VEPH1: variants seen among roughly 807,000 people sequenced by gnomAD.
VEPH1 encodes the protein ventricular zone expressed PH domain containing 1.
In VEPH1, 80 loss-of-function variants were observed where a neutral mutation model predicts 85.2. The ratio of observed to expected loss-of-function variants is 0.94; its 90% CI spans 0.78 to 1.13. VEPH1 has a LOEUF of 1.13. VEPH1 is among the 50% of genes most tolerant of loss of function. VEPH1 has a pLI of 0.00. For missense variants in VEPH1, 955 were observed against 980.5 expected (o/e 0.97, Z 0.35); for synonymous variants, 297 against 348.0 (o/e 0.85, Z 1.63).
chr3:157,483,123 TACACACACAC>T (rs60205276), intron 2 of VEPH1, among the ~76,000 whole-genome samples: 2 of 147,044 alleles, frequency 1.4e-5, no homozygotes, highest in Admixed American at 6.8e-5. Context: ...TTTAAAAGCA[TACACACACAC>T]ACACACACAC....
intron 11 of VEPH1, among the ~76,000 whole-genome samples, chr3:157,308,737 A>G (rs141642579): frequency 6.6e-6 from 1 of 152,202 alleles, no homozygotes; most frequent in African/African-American, 2.4e-5. Context: ...CATATTTGCT[A>G]TTTCCAATCA....
chr3:157,392,307 G>T (rs1342949709), intron 6 of VEPH1, among the ~76,000 whole-genome samples: 1 of 152,160 alleles, frequency 6.6e-6, no homozygotes, highest in African/African-American at 2.4e-5. Flanking sequence ...TACATGGATG[G>T]CAGCAGGCAA....
At chr3:157,439,813 C>T (rs756335179) in intron 4 of VEPH1, among the ~76,000 whole-genome samples, 19 of 152,152 alleles carry the variant, frequency 1.2e-4, no homozygotes, top group Non-Finnish European at 2.8e-4. Flanking sequence ...TGCAGTGGCG[C>T]GATCTCGGCT....
intron 4 of VEPH1, chr3:157,443,112 T>C (rs1383746061): frequency 9.4e-7 from 1 of 1,064,340 alleles, no homozygotes; most frequent in East Asian, 2.6e-5. Flanking sequence ...AGACCAATCT[T>C]TATTTGTACT....
intron 6 of VEPH1, among the ~76,000 whole-genome samples, chr3:157,404,537 C>G (rs1731013025): frequency 6.6e-6 from 1 of 151,964 alleles, no homozygotes; most frequent in Non-Finnish European, 1.5e-5. Context: ...TTCAGGAAAC[C>G]AATAGGGGAA....
chr3:157,417,301 T>C (rs1013871982), intron 5 of VEPH1, among the ~76,000 whole-genome samples: 11 of 152,176 alleles, frequency 7.2e-5, no homozygotes, highest in Admixed American at 2.0e-4. Flanking sequence ...GGGAATGCTG[T>C]GCTTTGCTGA....
chr3:157,434,384 T>C (rs1212869780), intron 4 of VEPH1, among the ~76,000 whole-genome samples: 4 of 152,162 alleles, frequency 2.6e-5, no homozygotes, highest in African/African-American at 9.7e-5. Flanking sequence ...TGATCACAGC[T>C]CACTGCAGCC....
intron 9 of VEPH1, among the ~76,000 whole-genome samples, chr3:157,325,913 T>C (rs1373174574): frequency 6.6e-6 from 1 of 152,214 alleles, no homozygotes; most frequent in Non-Finnish European, 1.5e-5. Context: ...ATCTATAAAT[T>C]ATTTTGGACA....
At position 157,349,111 on chromosome 3, in the gene VEPH1, T is replaced by C. The variant is rs78494877; in HGVS notation, c.1735+14253A>G. 3.6e-3 allele frequency among the ~76,000 whole-genome samples: 548 copies of C among 152,328 alleles called. 3 individuals carry two copies. Among genetic ancestry groups the C allele is most frequent in the African/African-American group, 0.012 (513 of 41,570 alleles). On this transcript the variant is annotated intron_variant, in intron 9 of 13. Transcript: ENST00000362010. ...TAGCACTACAGGCCAATATCCCTGA[T>C]GAAGATAGATGGAAAAATCTTCAAT...
At position 157,460,180 on chromosome 3, in the gene VEPH1, C is replaced by T; in HGVS notation, c.529+1G>A. On this transcript the variant is annotated splice_donor_variant, in intron 4 of 13. Coordinates refer to ENST00000362010, the MANE Select transcript of VEPH1 (RefSeq NM_001167912.2). LOFTEE classifies it high-confidence loss of function. ...CCCCAAGCTCAACTTTCGCACCATA[C>T]CTTGGAGTATGCTCTTTACTATAAC... 6.2e-7 allele frequency: 1 copy of T among 1,614,180 alleles called. No individual in the cohort carries two copies. The highest frequency in any genetic ancestry group is 8.5e-7 in the Non-Finnish European group (1 of 1,180,028).
Position 157,267,511 on chromosome 3 carries a change from G to T in VEPH1, c.2129-1849C>A, listed in dbSNP as rs775113335. Among the ~76,000 whole-genome samples the T allele has an allele frequency of 2.0e-5, 3 of 151,836 alleles. No individual in the cohort carries two copies. In the East Asian group the frequency reaches 5.9e-4, roughly 30 times the overall value. On this transcript the variant is annotated intron_variant, in intron 12 of 13. Transcript: ENST00000362010. Reference sequence around the variant, plus strand: ...AATTAAGGCTAAAAACTGGCCAGGCGCAGCAGCTCATGCCTGTAATCCCAG... The same window carrying T: ...AATTAAGGCTAAAAACTGGCCAGGCTCAGCAGCTCATGCCTGTAATCCCAG...
At chr3:157,380,994 T>G (rs1728694846) in intron 7 of VEPH1, 162 bp downstream of exon 7, 2 of 692,150 alleles carry the variant, frequency 2.9e-6, no homozygotes, top group Admixed American at 2.9e-5. Context: ...TTTCACACAT[T>G]TAGAAGAAAG....
chr3:157,304,392 A>G (rs1359120347), intron 11 of VEPH1, among the ~76,000 whole-genome samples: 3 of 152,154 alleles, frequency 2.0e-5, no homozygotes, highest in Non-Finnish European at 4.4e-5. Flanking sequence ...TTTCTGCAGC[A>G]TACAACATTT....
At chr3:157,342,083 A>G in intron 9 of VEPH1, among the ~76,000 whole-genome samples, 1 of 152,258 alleles carries the variant, frequency 6.6e-6, no homozygotes, top group Non-Finnish European at 1.5e-5. Context: ...GCCAAATTGT[A>G]AAGACCATCG....
chr3:157,447,298 T>G (rs1215612387), intron 4 of VEPH1, among the ~76,000 whole-genome samples: 1 of 152,224 alleles, frequency 6.6e-6, no homozygotes, highest in Non-Finnish European at 1.5e-5. Context: ...AATTTAGAAG[T>G]CTTTTCCTGT....
chr3:157,500,853 A>G (rs1473112278), intron 1 of VEPH1, among the ~76,000 whole-genome samples: 2 of 152,194 alleles, frequency 1.3e-5, no homozygotes, highest in Non-Finnish European at 2.9e-5. Flanking sequence ...CAGCTATGCC[A>G]TTACCTGCAG....
chr3:157,366,267 T>A, intron 7 of VEPH1, among the ~76,000 whole-genome samples: 1 of 152,340 alleles, frequency 6.6e-6, no homozygotes, highest in East Asian at 1.9e-4. Context: ...TGTGTGCATT[T>A]ACTTGGCTGT....
chr3:157,386,250 C>CAAAAAA (rs71302265), intron 6 of VEPH1, among the ~76,000 whole-genome samples: 597 of 37,714 alleles, frequency 0.016, 38 homozygotes, highest in African/African-American at 0.031. Context: ...AATGGTTCCA[C>CAAAAAA]AAAAAAAAAA....
At chr3:157,473,065 ACC>A in intron 2 of VEPH1, among the ~76,000 whole-genome samples, 1 of 138,422 alleles carries the variant, frequency 7.2e-6, no homozygotes, top group African/African-American at 2.8e-5. Flanking sequence ...GATTAAATGA[ACC>A]TTTTTTTTTT....
Sources: allele counts gnomAD v4.1 joint callset (sites outside exome capture counted in the v4.1 genomes callset), GRCh38; gene constraint gnomAD v4.1.1; transcripts MANE v1.5; gene names NCBI Gene and HGNC (gene_info 2026-07-23, HGNC 2026-07-21).